Variants in ADGRA3 observed in about 807,000 individuals in gnomAD.
ADGRA3 encodes adhesion G protein-coupled receptor A3.
In ADGRA3, 56 loss-of-function variants were observed where a neutral mutation model predicts 119.8. The observed-to-expected ratio is 0.47, with a 90% CI of 0.38 to 0.58. The LOEUF (loss-of-function observed/expected upper bound fraction) is 0.58. ADGRA3 is among the 20% of genes least tolerant of loss of function. The pLI, the probability that ADGRA3 is intolerant of heterozygous loss-of-function variation, is 0.00. For synonymous variants in ADGRA3, 607 were observed against 623.8 expected (o/e 0.97, Z 0.40); for missense variants, 1,516 against 1,649.0 (o/e 0.92, Z 1.40).
intron 11 of ADGRA3, among the ~76,000 whole-genome samples, chr4:22,423,890 A>T (rs1029993762): frequency 1.3e-5 from 2 of 152,248 alleles, no homozygotes; most frequent in African/African-American, 4.8e-5. Flanking sequence ...CAAATTAAAG[A>T]TTAAGAAAGT....
chr4:22,454,939 T>C lies in ADGRA3; in HGVS notation c.402-2A>G. 1 of 1,611,424 alleles carries C rather than the reference T, an allele frequency of 6.2e-7. No individual in the cohort carries two copies. The highest frequency in any genetic ancestry group is 8.5e-7 in the Non-Finnish European group (1 of 1,177,540). ...CCTATTCGATTGTTTGTCAGATCCC[T>C]AAGGAGAAGGGTGGAAAAGTGTCTT... On this transcript the variant is annotated splice_acceptor_variant, in intron 3 of 18. Coordinates refer to ENST00000334304, the MANE Select transcript of ADGRA3 (RefSeq NM_145290.4). LOFTEE classifies it high-confidence loss of function.
intron 16 of ADGRA3, chr4:22,393,575 T>G (rs901403716): frequency 1.3e-5 from 2 of 152,196 alleles, no homozygotes; most frequent in African/African-American, 4.8e-5. Flanking sequence ...TGCTGGGTGA[T>G]CTGAGCAAAG....
intron 1 of ADGRA3, among the ~76,000 whole-genome samples, chr4:22,492,409 T>C (rs1718655295): frequency 6.6e-6 from 1 of 152,306 alleles, no homozygotes; most frequent in Non-Finnish European, 1.5e-5. Flanking sequence ...TATACATAGA[T>C]ATTGGATATT....
intron 8 of ADGRA3, among the ~76,000 whole-genome samples, chr4:22,437,270 T>C (rs1716433647): frequency 6.6e-6 from 1 of 152,178 alleles, no homozygotes; most frequent in Non-Finnish European, 1.5e-5. Flanking sequence ...TTTCCATATA[T>C]TGATGTCAAG....
In ADGRA3 at chr4:22,413,681, G is replaced by A. The variant is rs765515331; in HGVS notation, c.1943C>T (p.Pro648Leu). 99 of 1,613,884 alleles carry A rather than the reference G, an allele frequency of 6.1e-5. No individual in the cohort carries two copies. Among genetic ancestry groups the A allele is most frequent in the Non-Finnish European group, 8.1e-5 (96 of 1,179,944 alleles). ...LIAFRNGKLF[P>L]ATGNSTNLAD... ...CAAATTTGTTGAATTTCCAGTGGCT[G>A]GAAAAAGCTTTCCATTGCGGAATGC... Residue 648 changes from proline to leucine, a missense_variant, in exon 13 of 19, where the codon CCA becomes CTA. Around this residue, in one of 2 missense-constraint regions of ADGRA3, gnomAD observed 1,088 missense variants for 1,107.1 expected, o/e 0.98. Transcript: ENST00000334304.
chr4:22,417,256 C>T (rs955880605), intron 12 of ADGRA3, among the ~76,000 whole-genome samples: 9 of 152,016 alleles, frequency 5.9e-5, no homozygotes, highest in African/African-American at 1.5e-4. Flanking sequence ...TAATTTTATT[C>T]GACATTTATT....
At chr4:22,514,957 T>C (rs1221602988) in intron 1 of ADGRA3, among the ~76,000 whole-genome samples, 2 of 152,188 alleles carry the variant, frequency 1.3e-5, no homozygotes, top group African/African-American at 4.8e-5. Context: ...CATAAACAGA[T>C]TGATCTGAAA....
chr4:22,453,200 C>CAAAAAAAAA (rs530504605), intron 4 of ADGRA3, among the ~76,000 whole-genome samples: 1 of 21,718 alleles, frequency 4.6e-5, no homozygotes. Context: ...GACTCCATCT[C>CAAAAAAAAA]AAAAAAAAAA....
At chr4:22,467,956 G>A (rs1002052934) in intron 2 of ADGRA3, among the ~76,000 whole-genome samples, 3 of 152,180 alleles carry the variant, frequency 2.0e-5, no homozygotes, top group Non-Finnish European at 4.4e-5. Flanking sequence ...AGTATACCAG[G>A]TAAGATGCCT....
intron 16 of ADGRA3, among the ~76,000 whole-genome samples, chr4:22,396,592 C>T (rs1320905127): frequency 6.6e-6 from 1 of 152,134 alleles, no homozygotes; most frequent in Non-Finnish European, 1.5e-5. Context: ...TAGACTAGTC[C>T]TTTTTGCATT....
rs367946371 is a variant in ADGRA3 at position 22,388,042 on chromosome 4, C to A, written c.3629G>T (p.Arg1210Leu). 6.2e-7 allele frequency: 1 copy of A among 1,614,120 alleles called. No homozygotes were observed. Among genetic ancestry groups the A allele is most frequent in the Non-Finnish European group, 8.5e-7 (1 of 1,180,010 alleles). ...CGAGTGTCCTTCGTTATTGCCCAGC[C>A]GGCTTTTAGGTAAGCCGTTCTGCAC... ...GSVQNGLPKS[R>L]LGNNEGHSRS... The change falls in exon 19 of 19, where the codon CGG (arginine) becomes CTG (leucine). Residue 1210 changes from arginine to leucine, a missense_variant. Arg to Leu is a moderately radical substitution (Grantham distance 102). Coordinates refer to ENST00000334304, the MANE Select transcript of ADGRA3 (RefSeq NM_145290.4).
chr4:22,398,672 C>G (rs960989195), intron 16 of ADGRA3, among the ~76,000 whole-genome samples: 1 of 151,718 alleles, frequency 6.6e-6, no homozygotes, highest in Non-Finnish European at 1.5e-5. Context: ...GTTAATTTAT[C>G]GGACTTACTT....
rs60504213 is a variant in ADGRA3, at chr4:22,507,860, C to T, written c.257+7668G>A. On this transcript the variant is annotated intron_variant, in intron 1 of 18. Coordinates refer to ENST00000334304, the MANE Select transcript of ADGRA3 (RefSeq NM_145290.4). ...CACACACATAAGATCAAGGAGATCA[C>T]ATGTGACTGCAGATAGATTGAATAT... Among the ~76,000 whole-genome samples the T allele has an allele frequency of 6.2e-3, 940 of 152,296 alleles. 20 individuals are homozygous for T. The highest frequency in any genetic ancestry group is 0.021 in the African/African-American group (892 of 41,558).
intron 3 of ADGRA3, chr4:22,455,943 A>G: frequency 1.7e-6 from 1 of 590,750 alleles, no homozygotes; most frequent in Non-Finnish European, 2.6e-6. Context: ...TTCTGACAGA[A>G]TAATTAGAAT....
chr4:22,446,391 T>A (rs981804891), intron 5 of ADGRA3, among the ~76,000 whole-genome samples: 19 of 152,162 alleles, frequency 1.2e-4, no homozygotes, highest in African/African-American at 4.3e-4. Context: ...TTTTGTCTTT[T>A]TTATTTCCTA....
In ADGRA3 at chr4:22,444,954, G is replaced by A; in HGVS notation, c.706+19C>T. 1 of 1,611,402 alleles carries A rather than the reference G, an allele frequency of 6.2e-7. No individual in the cohort carries two copies. Among genetic ancestry groups the A allele is most frequent in the Non-Finnish European group, 8.5e-7 (1 of 1,179,240 alleles). ...TCAAAATATGGTAAATGCTTTCTCA[G>A]TTTGGATTTCTCCCTTACCGCATGT... On this transcript the variant is annotated intron_variant, in intron 6 of 18. Transcript: ENST00000334304.
intron 14 of ADGRA3, among the ~76,000 whole-genome samples, chr4:22,409,887 T>A (rs891236346): frequency 2.6e-4 from 39 of 152,206 alleles, no homozygotes; most frequent in Non-Finnish European, 2.9e-4. Context: ...ATCAGTGTGA[T>A]ACGAGAGATA....
chr4:22,442,367 T>C (rs929934037), intron 7 of ADGRA3, among the ~76,000 whole-genome samples: 12 of 152,088 alleles, frequency 7.9e-5, no homozygotes, highest in Admixed American at 3.9e-4. Context: ...GGAAATTAGG[T>C]TTAGCACTAA....
At chr4:22,447,660 A>G in intron 4 of ADGRA3, 149 bp from the exon 5 acceptor site, 1 of 495,490 alleles carries the variant, frequency 2.0e-6, no homozygotes, top group Non-Finnish European at 3.6e-6. Flanking sequence ...GAGCGATTAG[A>G]AAACACTTCC....
Sources: gnomAD v4.1 joint callset for allele counts (sites outside exome capture counted in the v4.1 genomes callset) on GRCh38, gnomAD v4.1.1 for gene constraint, gnomAD v4.1.1 regional missense constraint, MANE v1.5 for transcripts, NCBI Gene and HGNC (gene_info 2026-07-23, HGNC 2026-07-21) for gene names.